EMC3: variants seen among roughly 807,000 people sequenced by gnomAD.
The protein encoded by EMC3 is ER membrane protein complex subunit 3, also known as 30 kDa protein.
Under a neutral mutation model 36.6 loss-of-function variants are expected in EMC3, and 13 were observed. The ratio of observed to expected loss-of-function variants is 0.35; its 90% CI spans 0.23 to 0.56. The LOEUF (loss-of-function observed/expected upper bound fraction) is 0.56, where lower values mean the gene tolerates loss of function less well. Ranked by LOEUF, EMC3 falls within the 20% of genes least tolerant of loss-of-function variation. The probability of loss-of-function intolerance (pLI) is 0.84; values close to 1 mark genes in which losing one functional copy is unlikely to be tolerated. For missense variants in EMC3, 220 were observed against 324.5 expected (o/e 0.68, Z 2.47); for synonymous variants, 120 against 111.9 (o/e 1.07, Z -0.46).
In EMC3 at chr3:9,963,768, G is replaced by A. The variant is rs1046442215; in HGVS notation, c.*301C>T. On this transcript the variant is annotated 3_prime_UTR_variant, in exon 8 of 8. Coordinates refer to ENST00000245046, the MANE Select transcript of EMC3 (RefSeq NM_001394674.1). ...TGGGATTACAGGCGTGAGCCACTGC[G>A]CCTGGCCAAGATTTTATATATTATC... 11 of 228,128 alleles carry A rather than the reference G, an allele frequency of 4.8e-5. No homozygotes were observed. Among genetic ancestry groups the A allele is most frequent in the South Asian group, 1.4e-4 (2 of 14,050 alleles). 14.1% of individuals were successfully genotyped at this position (228,128 alleles called of 1,614,324 possible). A position where few individuals can be genotyped will look rare whatever the true frequency, so the allele number is the denominator to read the frequency against.
In EMC3 at chr3:9,986,798, A is replaced by G. The variant is rs2085979247; in HGVS notation, c.-137T>C. On this transcript the variant is annotated 5_prime_UTR_variant, in exon 1 of 8. Coordinates refer to ENST00000245046, the MANE Select transcript of EMC3 (RefSeq NM_001394674.1). The stretch of plus-strand genomic sequence containing the variant: ...ACCCCAGAACTCTCCTGCGACTGTG[A>G]GCCGAGCTTACTGCCTTCAGCTGGG... The G allele has an allele frequency of 1.4e-6, 2 of 1,458,158 alleles. No homozygotes were observed. The highest frequency in any genetic ancestry group is 2.8e-5 in the African/African-American group (2 of 70,648). 90.3% of individuals were successfully genotyped at this position (1,458,158 alleles called of 1,614,324 possible).
intron 5 of EMC3, among the ~76,000 whole-genome samples, chr3:9,972,934 T>C (rs1323448984): frequency 9.4e-5 from 14 of 149,264 alleles, no homozygotes; most frequent in African/African-American, 3.2e-4. Flanking sequence ...GTTCATGCCA[T>C]TCTCCTGCCT....
intron 7 of EMC3, among the ~76,000 whole-genome samples, chr3:9,965,731 T>C (rs1454221028): frequency 6.6e-6 from 1 of 152,196 alleles, no homozygotes; most frequent in Non-Finnish European, 1.5e-5. Flanking sequence ...TTTTCACTTA[T>C]TCTGGGCATA....
intron 1 of EMC3, chr3:10,002,704 GTTAT>G (rs1177556613): frequency 7.5e-6 from 3 of 400,214 alleles, no homozygotes; most frequent in Non-Finnish European, 1.5e-5. Context: ...GCATCACCCT[GTTAT>G]TTATTTAGTA....
chr3:10,004,262 T>C (rs1049178600), intron 1 of EMC3: 2 of 152,202 alleles, frequency 1.3e-5, no homozygotes, highest in South Asian at 4.1e-4. Context: ...GAAGAAGTTA[T>C]GAGGGACCCG....
intron 1 of EMC3, among the ~76,000 whole-genome samples, chr3:9,998,740 A>T (rs2086161301): frequency 6.6e-6 from 1 of 152,070 alleles, no homozygotes; most frequent in South Asian, 2.1e-4. Context: ...TGTCTATTCA[A>T]GTCCTTTACC....
intron 3 of EMC3, among the ~76,000 whole-genome samples, chr3:9,976,139 C>T (rs1244944470): frequency 6.6e-6 from 1 of 152,094 alleles, no homozygotes; most frequent in East Asian, 1.9e-4. Flanking sequence ...TGGAGTCTTG[C>T]TCTGTCGCCC....
At chr3:10,008,706 C>T (rs182653908) in intron 1 of EMC3, 6 of 345,356 alleles carry the variant, frequency 1.7e-5, no homozygotes, top group Admixed American at 4.1e-5. Context: ...CAGGCTGCCC[C>T]GCACCCACAT....
rs1348882346 is a variant in EMC3, at chr3:9,978,012, CAATA to C, written c.156-570_156-567del. ...ATCAACTATTAGAGCCATAGTTGAT[CAATA>C]AATATCATGCTAGGCCAGGTGCAGT... is the stretch of plus-strand genomic sequence containing the variant. On this transcript the variant is annotated intron_variant, in intron 1 of 7. Transcript: ENST00000245046. Among the ~76,000 whole-genome samples, 4 of 151,726 alleles carry C rather than the reference CAATA, an allele frequency of 2.6e-5. No individual in the cohort carries two copies. In the South Asian group the frequency reaches 8.3e-4, roughly 32 times the overall value.
At chr3:9,989,906 G>C (rs2086025954), upstream of EMC3, among the ~76,000 whole-genome samples, 1 of 149,156 alleles carries the variant, frequency 6.7e-6, no homozygotes, top group African/African-American at 2.5e-5. Flanking sequence ...GGAGCATTCA[G>C]TTAAGAGAAG....
upstream of EMC3, among the ~76,000 whole-genome samples, chr3:9,987,486 C>A (rs940089017): frequency 6.6e-6 from 1 of 152,172 alleles, no homozygotes; most frequent in Non-Finnish European, 1.5e-5. Flanking sequence ...TCCCGATGAA[C>A]TAGTCCAGGC....
intron 1 of EMC3, chr3:10,007,566 G>T: frequency 1.1e-5 from 15 of 1,367,622 alleles, no homozygotes; most frequent in Non-Finnish European, 1.5e-5. Context: ...AGTGCTTCTG[G>T]GTGAGGCAGG....
At chr3:9,995,045 T>A (rs2086106703) in intron 1 of EMC3, among the ~76,000 whole-genome samples, 1 of 150,348 alleles carries the variant, frequency 6.7e-6, no homozygotes, top group Non-Finnish European at 1.5e-5. Context: ...GTAAAAAAAA[T>A]TGTAAACATT....
intron 1 of EMC3, among the ~76,000 whole-genome samples, chr3:9,995,622 A>G (rs770602393): frequency 1.3e-5 from 2 of 151,510 alleles, no homozygotes; most frequent in Non-Finnish European, 2.9e-5. Flanking sequence ...CATCCAGGTA[A>G]GAAGCAATAT....
intron 1 of EMC3, among the ~76,000 whole-genome samples, chr3:10,009,309 T>C (rs1195899610): frequency 6.6e-6 from 1 of 151,864 alleles, no homozygotes; most frequent in Non-Finnish European, 1.5e-5. Context: ...CTGTCCCCTT[T>C]CCCCCCAGAC....
At chr3:9,973,820 G>A (rs1384296875) in intron 4 of EMC3, 111 bp from the exon 5 acceptor site, 8 of 960,994 alleles carry the variant, frequency 8.3e-6, no homozygotes, top group Admixed American at 8.0e-5. Flanking sequence ...TTTGGAAAAC[G>A]ACTTCCACAA....
At chr3:9,980,554 G>GTTT (rs71052282) in intron 1 of EMC3, among the ~76,000 whole-genome samples, 7 of 130,918 alleles carry the variant, frequency 5.3e-5, no homozygotes, top group Admixed American at 7.9e-5. Context: ...TGTTTTTTTT[G>GTTT]TTTTTTTTTT....
chr3:9,989,899 G>A (rs1205510731), upstream of EMC3, among the ~76,000 whole-genome samples: 1 of 150,424 alleles, frequency 6.6e-6, no homozygotes, highest in African/African-American at 2.4e-5. Flanking sequence ...AAGAAGTGGA[G>A]CATTCAGTTA....
At chr3:9,987,995 A>C (rs1027076211), upstream of EMC3, 5 of 906,416 alleles carry the variant, frequency 5.5e-6, no homozygotes, top group African/African-American at 6.5e-5. Context: ...TTAAAAAGTA[A>C]AGGACAAGCA....
Sources: gnomAD v4.1 joint callset for allele counts (sites outside exome capture counted in the v4.1 genomes callset) on GRCh38, gnomAD v4.1.1 for gene constraint, MANE v1.5 for transcripts, NCBI Gene and HGNC (gene_info 2026-07-23, HGNC 2026-07-21) for gene names.